The following GLRB variants were observed in gnomAD, a reference collection of about 807,000 sequenced individuals.
GLRB encodes the protein glycine receptor subunit beta.
In GLRB, 33 loss-of-function variants were observed where a neutral mutation model predicts 54.2. That is an observed-to-expected ratio of 0.61 (90% CI 0.46 to 0.81). GLRB has a LOEUF of 0.81. GLRB is among the 40% of genes least tolerant of loss of function. The pLI is 0.00. For missense variants in GLRB, 572 were observed against 584.6 expected, an observed-to-expected ratio of 0.98 and a Z score of 0.22; for synonymous variants, 209 against 208.2, an observed-to-expected ratio of 1.00 and a Z score of -0.03.
intron 2 of GLRB, among the ~76,000 whole-genome samples, chr4:157,112,571 A>G (rs1482421399): frequency 6.6e-6 from 1 of 151,936 alleles, no homozygotes; most frequent in African/African-American, 2.4e-5. Flanking sequence ...GCATGAAAAA[A>G]GGGATTACTT....
chr4:157,101,847 G>A (rs947901715), intron 2 of GLRB, among the ~76,000 whole-genome samples: 7 of 149,308 alleles, frequency 4.7e-5, no homozygotes, highest in Non-Finnish European at 7.4e-5. Context: ...GGGTGGGGGC[G>A]GTTGTTAAAA....
intron 8 of GLRB, among the ~76,000 whole-genome samples, chr4:157,150,272 A>G (rs1736970588): frequency 1.3e-5 from 2 of 152,072 alleles, no homozygotes; most frequent in African/African-American, 4.8e-5. Context: ...GGTGTTTTCT[A>G]TTATAATACG....
At chr4:157,114,802 G>A (rs947251545) in intron 2 of GLRB, among the ~76,000 whole-genome samples, 5 of 151,696 alleles carry the variant, frequency 3.3e-5, no homozygotes, top group African/African-American at 7.3e-5. Context: ...GAAGACCCGC[G>A]GGTTAAAATG....
chr4:157,169,447 C>T (rs941853158), intron 9 of GLRB, among the ~76,000 whole-genome samples: 4 of 152,050 alleles, frequency 2.6e-5, no homozygotes, highest in African/African-American at 9.7e-5. Context: ...ATATAATTGT[C>T]CTTTTGTATC....
chr4:157,105,517 AT>A (rs200134907), intron 2 of GLRB, among the ~76,000 whole-genome samples: 8 of 150,940 alleles, frequency 5.3e-5, no homozygotes, highest in East Asian at 1.9e-4. Flanking sequence ...AATGTTCTGT[AT>A]TTTTTTTTAT....
At chr4:157,127,750 G>A (rs984629910) in intron 4 of GLRB, among the ~76,000 whole-genome samples, 5 of 151,822 alleles carry the variant, frequency 3.3e-5, no homozygotes, top group Non-Finnish European at 2.9e-5. Context: ...AGGAATGCAG[G>A]TGACCTCTAG....
At chr4:157,159,286 A>T (rs1320875677) in intron 9 of GLRB, among the ~76,000 whole-genome samples, 2 of 152,198 alleles carry the variant, frequency 1.3e-5, no homozygotes, top group Non-Finnish European at 2.9e-5. Context: ...AACAGGGACA[A>T]CTTGACTTCC....
In GLRB at chr4:157,136,785, G is replaced by C; in HGVS notation, c.528-19G>C. On this transcript the variant is annotated intron_variant, in intron 5 of 9. Transcript: ENST00000264428. ...GAGAAGTATATTAAATTATTTCTAA[G>C]ACCCATTTCTGCTTCCAGGTTATCT... 6.4e-7 allele frequency: 1 copy of C among 1,564,900 alleles called. No homozygotes were observed. The highest frequency in any genetic ancestry group is 8.8e-7 in the Non-Finnish European group (1 of 1,135,294).
chr4:157,121,149 A>C (rs1735802852), intron 3 of GLRB, among the ~76,000 whole-genome samples: 1 of 151,670 alleles, frequency 6.6e-6, no homozygotes, highest in Admixed American at 6.6e-5. Flanking sequence ...TCTTTTGCTG[A>C]AAAAACAATT....
chr4:157,136,253 G>A (rs554584467), intron 4 of GLRB: 7 of 537,742 alleles, frequency 1.3e-5, no homozygotes, highest in Admixed American at 3.3e-5. Context: ...CAAGTGCTAC[G>A]GAATGTCTGC....
At chr4:157,110,077 G>T (rs1478602182) in intron 2 of GLRB, among the ~76,000 whole-genome samples, 2 of 151,898 alleles carry the variant, frequency 1.3e-5, no homozygotes, top group Non-Finnish European at 2.9e-5. Context: ...CCTGAAGGTT[G>T]CGGGGTGGGA....
chr4:157,157,104 C>T (rs1737260405), intron 9 of GLRB, among the ~76,000 whole-genome samples: 1 of 152,148 alleles, frequency 6.6e-6, no homozygotes, highest in Non-Finnish European at 1.5e-5. Flanking sequence ...GGGTTGCCTT[C>T]CTGACCAATT....
intron 2 of GLRB, among the ~76,000 whole-genome samples, chr4:157,084,278 GT>G (rs1178601919): frequency 1.3e-5 from 2 of 152,122 alleles, no homozygotes; most frequent in African/African-American, 4.8e-5. Flanking sequence ...GTTGAAGACT[GT>G]TTGAGTTTCA....
intron 3 of GLRB, among the ~76,000 whole-genome samples, chr4:157,122,045 T>C (rs1220683196): frequency 6.6e-6 from 1 of 150,686 alleles, no homozygotes; most frequent in Non-Finnish European, 1.5e-5. Flanking sequence ...GATTTAAAAG[T>C]AAATGTATTT....
chr4:157,155,592 C>G (rs2126608690), intron 9 of GLRB, among the ~76,000 whole-genome samples: 1 of 152,264 alleles, frequency 6.6e-6, no homozygotes, highest in African/African-American at 2.4e-5. Context: ...TCTTTTAGCG[C>G]CTAAAAAGTA....
chr4:157,156,396 G>T (rs1208660368), intron 9 of GLRB, among the ~76,000 whole-genome samples: 1 of 152,128 alleles, frequency 6.6e-6, no homozygotes, highest in Non-Finnish European at 1.5e-5. Flanking sequence ...CATTGATTTT[G>T]TAGACTTTAC....
intron 4 of GLRB, among the ~76,000 whole-genome samples, chr4:157,126,111 T>G (rs1310731773): frequency 6.6e-6 from 1 of 151,826 alleles, no homozygotes; most frequent in Non-Finnish European, 1.5e-5. Context: ...GGCAGCCCAT[T>G]TCATCAGTGG....
At chr4:157,143,766 G>T in intron 7 of GLRB, 41 bp from the exon 8 acceptor site, 2 of 1,588,588 alleles carry the variant, frequency 1.3e-6, no homozygotes, top group South Asian at 1.1e-5. Context: ...CATTCTGTGT[G>T]GGTGAAAACC....
intron 1 of GLRB, among the ~76,000 whole-genome samples, chr4:157,077,323 C>A (rs1054348834): frequency 2.0e-5 from 3 of 151,940 alleles, no homozygotes; most frequent in African/African-American, 7.3e-5. Context: ...TTTTTGATGA[C>A]AAATGTTAGT....
Sources: allele counts gnomAD v4.1 joint callset (sites outside exome capture counted in the v4.1 genomes callset), GRCh38; gene constraint gnomAD v4.1.1; transcripts MANE v1.5; gene names NCBI Gene and HGNC (gene_info 2026-07-23, HGNC 2026-07-21).